Variants in CORIN observed in about 807,000 individuals in gnomAD.
CORIN encodes the protein atrial natriuretic peptide-converting enzyme.
A neutral mutation model predicts 125.3 loss-of-function variants in CORIN; 117 were observed. The ratio of observed to expected loss-of-function variants is 0.93; its 90% CI spans 0.80 to 1.09. The LOEUF (loss-of-function observed/expected upper bound fraction) is 1.09. CORIN is among the 50% of genes least tolerant of loss of function. The pLI is 0.00. For missense variants in CORIN, 1,253 were observed against 1,306.7 expected, an observed-to-expected ratio of 0.96 and a Z score of 0.63; for synonymous variants, 450 against 466.4, an observed-to-expected ratio of 0.96 and a Z score of 0.45.
intron 1 of CORIN, among the ~76,000 whole-genome samples, chr4:47,835,972 C>A (rs1156818228): frequency 6.6e-6 from 1 of 152,104 alleles, no homozygotes; most frequent in Non-Finnish European, 1.5e-5. Context: ...GTAAGCCTAC[C>A]CTGAAAGGAA....
chr4:47,740,879 T>C (rs1432669634), intron 5 of CORIN, among the ~76,000 whole-genome samples: 1 of 151,960 alleles, frequency 6.6e-6, no homozygotes, highest in Non-Finnish European at 1.5e-5. Context: ...CAATACATAC[T>C]AGGACAACTG....
At chr4:47,718,835 A>G (rs542020992) in intron 5 of CORIN, among the ~76,000 whole-genome samples, 2 of 152,324 alleles carry the variant, frequency 1.3e-5, no homozygotes, top group South Asian at 2.1e-4. Flanking sequence ...TGTTGTAGTT[A>G]AAAGATGAGT....
chr4:47,821,619 T>C (rs1037475790), intron 1 of CORIN, among the ~76,000 whole-genome samples: 4 of 133,954 alleles, frequency 3.0e-5, no homozygotes, highest in Admixed American at 7.2e-5. Context: ...GATCCCATTG[T>C]TCCATCCATC....
At position 47,806,774 on chromosome 4, in the gene CORIN, C is replaced by G. The variant is rs533470164; in HGVS notation, c.208+129G>C. On this transcript the variant is annotated intron_variant, in intron 2 of 21. Transcript: ENST00000273857. Reference sequence around the variant, plus strand: ...TAGCTGAAACTGCAGATTTGCATAACGTCATCAAAAGATAATCCTCTCATT... The same window carrying G: ...TAGCTGAAACTGCAGATTTGCATAAGGTCATCAAAAGATAATCCTCTCATT... 6 of 915,800 alleles carry G rather than the reference C, an allele frequency of 6.6e-6. No homozygotes were observed. The African/African-American group carries it at 8.4e-5, about 13-fold the overall frequency. 56.7% of individuals were successfully genotyped at this position (915,800 alleles called of 1,614,324 possible).
At chr4:47,727,553 C>T (rs1383057179) in intron 5 of CORIN, among the ~76,000 whole-genome samples, 1 of 151,966 alleles carries the variant, frequency 6.6e-6, no homozygotes, top group Non-Finnish European at 1.5e-5. Flanking sequence ...GTAATAATTT[C>T]CATTTTATGC....
chr4:47,674,201 T>G (rs761201263), intron 10 of CORIN, among the ~76,000 whole-genome samples, 192 bp downstream of exon 10: 3 of 152,230 alleles, frequency 2.0e-5, no homozygotes, highest in Non-Finnish European at 4.4e-5. Context: ...GACACATTTG[T>G]TTCTGATTGA....
intron 8 of CORIN, among the ~76,000 whole-genome samples, chr4:47,679,270 A>G (rs1283236719): frequency 6.6e-6 from 1 of 152,220 alleles, no homozygotes; most frequent in African/African-American, 2.4e-5. Flanking sequence ...GTTAATAGCC[A>G]TACTTGTTAT....
At chr4:47,623,117 T>TACACACAC (rs1553904959) in intron 19 of CORIN, among the ~76,000 whole-genome samples, 8 of 134,544 alleles carry the variant, frequency 5.9e-5, no homozygotes, top group South Asian at 2.4e-4. Context: ...TATATATATA[T>TACACACAC]ACACACACAC....
At chr4:47,658,181 A>G (rs1023805001) in intron 12 of CORIN, among the ~76,000 whole-genome samples, 2 of 152,224 alleles carry the variant, frequency 1.3e-5, no homozygotes, top group African/African-American at 4.8e-5. Flanking sequence ...GAAATTGGCT[A>G]AAAGAAAGAG....
At chr4:47,734,831 A>AC (rs1385391901) in intron 5 of CORIN, among the ~76,000 whole-genome samples, 1 of 151,934 alleles carries the variant, frequency 6.6e-6, no homozygotes, top group Non-Finnish European at 1.5e-5. Context: ...GTTAGTAGCA[A>AC]CTCCCCCTGT....
intron 5 of CORIN, among the ~76,000 whole-genome samples, chr4:47,729,609 A>ACAGAC (rs1727766532): frequency 6.6e-6 from 1 of 152,184 alleles, no homozygotes; most frequent in Admixed American, 6.5e-5. Context: ...CACAAATGAT[A>ACAGAC]CAGACGGGAG....
At position 47,714,761 on chromosome 4, in the gene CORIN, C is replaced by CTA. The variant is rs146118430; in HGVS notation, c.800-21680_800-21679dup. On this transcript the variant is annotated intron_variant, in intron 5 of 21. Transcript: ENST00000273857. ...CTGCAGGCTGTCTTTGGCTCACAGG[C>CTA]TATAGTTTGCTGACCCCTGATCCAG... 2.7e-3 allele frequency among the ~76,000 whole-genome samples: 415 copies of CTA among 152,274 alleles called. 4 individuals are homozygous for CTA. Among genetic ancestry groups the CTA allele is most frequent in the Middle Eastern group, 6.8e-3 (2 of 294 alleles).
rs763138077 is a variant in CORIN, at chr4:47,643,132, A to G, written c.2068+14T>C. ...ATGAGAGAGTACAACAGATGGCAGA[A>G]ACAAGTAGCTCACCACAGTCCCATT... is the stretch of plus-strand genomic sequence containing the variant. On this transcript the variant is annotated intron_variant, in intron 15 of 21. Coordinates refer to ENST00000273857, the MANE Select transcript of CORIN (RefSeq NM_006587.4). The G allele has an allele frequency of 6.2e-7, 1 of 1,614,000 alleles. No homozygotes were observed. Among genetic ancestry groups the G allele is most frequent in the Admixed American group, 1.7e-5 (1 of 59,988 alleles).
At chr4:47,771,380 G>C (rs1249904077) in intron 3 of CORIN, among the ~76,000 whole-genome samples, 1 of 152,192 alleles carries the variant, frequency 6.6e-6, no homozygotes, top group Non-Finnish European at 1.5e-5. Context: ...GAGGGTTACA[G>C]TAAGCTAAGA....
intron 1 of CORIN, among the ~76,000 whole-genome samples, chr4:47,834,475 AG>A (rs1733272824): frequency 6.6e-6 from 1 of 152,190 alleles, no homozygotes; most frequent in South Asian, 2.1e-4. Flanking sequence ...TATTGGACCA[AG>A]GGTATAAAGT....
In CORIN at chr4:47,687,212, C is replaced by T. The variant is rs536224372; in HGVS notation, c.914-3374G>A. ...CTAAGGTCTGTGTGATTAGTAAACA[C>T]GCAAAACCTTAACCAGAGGCACTGC... On this transcript the variant is annotated intron_variant, in intron 6 of 21. Coordinates refer to ENST00000273857, the MANE Select transcript of CORIN (RefSeq NM_006587.4). Among the ~76,000 whole-genome samples, 128 of 152,262 alleles carry T rather than the reference C, an allele frequency of 8.4e-4. 1 individual carries two copies. Among genetic ancestry groups the T allele is most frequent in the African/African-American group, 2.9e-3 (122 of 41,540 alleles).
At chr4:47,795,177 G>T (rs896974002) in intron 2 of CORIN, among the ~76,000 whole-genome samples, 3 of 152,026 alleles carry the variant, frequency 2.0e-5, no homozygotes, top group Admixed American at 6.6e-5. Flanking sequence ...GTGCTATACT[G>T]CTTTGATTGC....
At chr4:47,704,538 A>C (rs1726459675) in intron 5 of CORIN, among the ~76,000 whole-genome samples, 1 of 152,090 alleles carries the variant, frequency 6.6e-6, no homozygotes, top group Admixed American at 6.5e-5. Flanking sequence ...CTACAGGGGA[A>C]GAAATGTACA....
rs1199468784 is a variant in CORIN at position 47,803,019 on chromosome 4, A to C, written c.208+3884T>G. Among the ~76,000 whole-genome samples the C allele has an allele frequency of 3.3e-5, 5 of 152,256 alleles. No homozygotes were observed. The South Asian group carries it at 1.0e-3, about 32-fold the overall frequency. On this transcript the variant is annotated intron_variant, in intron 2 of 21. Coordinates refer to ENST00000273857, the MANE Select transcript of CORIN (RefSeq NM_006587.4). Reference sequence around the variant, plus strand: ...AGACTTTAACCAGGACCACCAAGGCAGTACCTTTCTCTAGAAGTCTTCAAG... The same window carrying C: ...AGACTTTAACCAGGACCACCAAGGCCGTACCTTTCTCTAGAAGTCTTCAAG...
Sources: allele counts gnomAD v4.1 joint callset (sites outside exome capture counted in the v4.1 genomes callset), GRCh38; gene constraint gnomAD v4.1.1; transcripts MANE v1.5; gene names NCBI Gene and HGNC (gene_info 2026-07-23, HGNC 2026-07-21).